DNAJC24: variants seen among roughly 807,000 people sequenced by gnomAD.
The protein encoded by DNAJC24 is DnaJ heat shock protein family (Hsp40) member C24.
Under a neutral mutation model 18.0 loss-of-function variants are expected in DNAJC24, and 17 were observed. The observed-to-expected ratio is 0.94, with a 90% confidence interval of 0.65 to 1.42. The LOEUF (loss-of-function observed/expected upper bound fraction) is 1.42. DNAJC24 is among the 40% of genes most tolerant of loss of function. DNAJC24 has a pLI of 0.00. For synonymous variants in DNAJC24, 55 were observed against 57.7 expected (o/e 0.95, Z 0.21); for missense variants, 158 against 175.6 (o/e 0.90, Z 0.57).
rs1343914025 is a variant in DNAJC24, at chr11:31,400,237, A to AT, written c.112-14573dup. On this transcript the variant is annotated intron_variant, in intron 2 of 4. Coordinates refer to ENST00000465995, the MANE Select transcript of DNAJC24 (RefSeq NM_181706.5). The stretch of plus-strand genomic sequence containing the variant: ...TAAACATATGTGTGCATGTGTCTTT[A>AT]TAGCAGAATGATTTATAATCCATTG... Among the ~76,000 whole-genome samples, 25 of 152,292 alleles carry AT rather than the reference A, an allele frequency of 1.6e-4. 1 individual carries two copies. The highest frequency in any genetic ancestry group is 5.5e-4 in the African/African-American group (23 of 41,550).
intron 2 of DNAJC24, among the ~76,000 whole-genome samples, chr11:31,410,277 A>G (rs542330078): frequency 4.0e-4 from 61 of 152,270 alleles, no homozygotes; most frequent in African/African-American, 1.5e-3. Flanking sequence ...TAAAAAGTTT[A>G]TTTCCTAATA....
At chr11:31,415,220 C>T in intron 3 of DNAJC24, 1 of 320,878 alleles carries the variant, frequency 3.1e-6, no homozygotes, top group Non-Finnish European at 5.7e-6. Flanking sequence ...TTACACATTA[C>T]TAACTAATAT....
intron 2 of DNAJC24, among the ~76,000 whole-genome samples, chr11:31,404,410 A>G (rs533069453): frequency 3.4e-4 from 52 of 152,218 alleles, no homozygotes; most frequent in African/African-American, 1.2e-3. Flanking sequence ...TGAGTTGCTC[A>G]TTTACTTCTC....
At chr11:31,382,995 A>G (rs549887146) in intron 2 of DNAJC24, among the ~76,000 whole-genome samples, 6 of 152,282 alleles carry the variant, frequency 3.9e-5, no homozygotes, top group African/African-American at 1.4e-4. Flanking sequence ...TTGTATTTAC[A>G]TACTCATTAC....
chr11:31,432,515 T>C lies in DNAJC24; in HGVS notation c.*2114T>C, dbSNP rs745850225. The C allele has an allele frequency of 6.2e-6, 10 of 1,611,834 alleles. No homozygotes were observed. Among genetic ancestry groups the C allele is most frequent in the African/African-American group, 4.0e-5 (3 of 74,866 alleles). ...TAAATGCTTACTAATCATCAGAAAATCTGTGGCCATTAGGGCTGGCACGTA... is the reference window on the plus strand; with the variant it reads ...TAAATGCTTACTAATCATCAGAAAACCTGTGGCCATTAGGGCTGGCACGTA... On this transcript the variant is annotated 3_prime_UTR_variant, in exon 5 of 5. Coordinates refer to ENST00000465995, the MANE Select transcript of DNAJC24 (RefSeq NM_181706.5).
intron 1 of DNAJC24, among the ~76,000 whole-genome samples, 178 bp from the exon 2 acceptor site, chr11:31,370,538 C>T (rs1040823049): frequency 6.6e-6 from 1 of 151,990 alleles, no homozygotes; most frequent in Admixed American, 6.6e-5. Flanking sequence ...CCATACTTGT[C>T]GGTACACTTA....
In DNAJC24 at chr11:31,382,925, G is replaced by A. The variant is rs148410783; in HGVS notation, c.111+12066G>A. Reference sequence around the variant, plus strand: ...ACTGGCTGTAAATCTGGGTTCCCATGTTTCCTTCTTTGTTCTCAATTGATT... The same window carrying A: ...ACTGGCTGTAAATCTGGGTTCCCATATTTCCTTCTTTGTTCTCAATTGATT... On this transcript the variant is annotated intron_variant, in intron 2 of 4. Coordinates refer to ENST00000465995, the MANE Select transcript of DNAJC24 (RefSeq NM_181706.5). Among the ~76,000 whole-genome samples, 342 of 152,312 alleles carry A rather than the reference G, an allele frequency of 2.2e-3. 4 individuals are homozygous for A. The highest frequency in any genetic ancestry group is 7.4e-3 in the African/African-American group (309 of 41,554).
At chr11:31,405,203 G>T (rs936337328) in intron 2 of DNAJC24, among the ~76,000 whole-genome samples, 5 of 151,098 alleles carry the variant, frequency 3.3e-5, no homozygotes, top group Admixed American at 6.6e-5. Context: ...CCGAGTAGCT[G>T]AGATTACAGG....
chr11:31,388,005 G>C (rs191075838), intron 2 of DNAJC24, among the ~76,000 whole-genome samples: 1 of 151,994 alleles, frequency 6.6e-6, no homozygotes, highest in African/African-American at 2.4e-5. Context: ...CAGCAGAATT[G>C]ATCAAGCAGA....
intron 4 of DNAJC24, chr11:31,426,898 C>G (rs2133507463): frequency 6.7e-6 from 1 of 149,736 alleles, no homozygotes. Context: ...AACATGAAGT[C>G]ATGTCTTTTT....
At chr11:31,396,148 A>G (rs1952541250) in intron 2 of DNAJC24, 2 of 331,532 alleles carry the variant, frequency 6.0e-6, no homozygotes, top group Admixed American at 3.7e-5. Flanking sequence ...TTTTTTGCCA[A>G]ATGTAGTGGA....
At chr11:31,394,721 T>TTTGATAAATACTTGA (rs1279788149) in intron 2 of DNAJC24, among the ~76,000 whole-genome samples, 1 of 151,834 alleles carries the variant, frequency 6.6e-6, no homozygotes, top group Non-Finnish European at 1.5e-5. Flanking sequence ...ATTTATAGTA[T>TTTGATAAATACTTGA]TAAATACTTA....
intron 2 of DNAJC24, among the ~76,000 whole-genome samples, chr11:31,381,138 A>T (rs551711542): frequency 1.5e-4 from 23 of 152,320 alleles, no homozygotes; most frequent in African/African-American, 5.5e-4. Context: ...TAAGGTATAC[A>T]TAAAATCATA....
chr11:31,414,786 CT>C (rs1471780260), intron 2 of DNAJC24, 24 bp from the exon 3 acceptor site: 3 of 1,609,326 alleles, frequency 1.9e-6, no homozygotes, highest in Non-Finnish European at 2.5e-6. Context: ...TACTCACCCC[CT>C]GCACCCTTCT....
At position 31,370,796 on chromosome 11, in the gene DNAJC24, G is replaced by A. The variant is rs781102404; in HGVS notation, c.48G>A (p.Leu16=). ...CAAAAAAGGATTGGTACAGCATCCT[G>A]GGAGCAGACCCATCTGCAAATATAT... The part of the protein sequence containing the change: ...QMPKKDWYSI[L]GADPSANISD... The change falls in exon 2 of 5, where the codon CTG becomes CTA. Residue 16 remains leucine (L), a synonymous_variant. Transcript: ENST00000465995. 1 of 1,613,176 alleles carries A rather than the reference G, an allele frequency of 6.2e-7. No homozygotes were observed. Among genetic ancestry groups the A allele is most frequent in the Non-Finnish European group, 8.5e-7 (1 of 1,179,712 alleles).
intron 4 of DNAJC24, chr11:31,426,950 C>A (rs1223073): frequency 0.39 from 58,381 of 151,560 alleles, 14,476 homozygotes; most frequent in African/African-American, 0.71. Context: ...AATTCAATGT[C>A]GTTTCCCTAT....
At position 31,377,254 on chromosome 11, in the gene DNAJC24, A is replaced by G. The variant is rs940901497; in HGVS notation, c.111+6395A>G. 4.6e-5 allele frequency among the ~76,000 whole-genome samples: 7 copies of G among 152,248 alleles called. No individual in the cohort carries two copies. The South Asian group carries it at 6.2e-4, about 14-fold the overall frequency. On this transcript the variant is annotated intron_variant, in intron 2 of 4. Transcript: ENST00000465995. The stretch of plus-strand genomic sequence containing the variant: ...TTGTAGGCTGCTGAGTTTACAATAC[A>G]TATTGATTTAGTAAATACTGTTTCC...
intron 2 of DNAJC24, among the ~76,000 whole-genome samples, chr11:31,413,307 A>T (rs17705366): frequency 0.25 from 37,504 of 150,838 alleles, 5,127 homozygotes; most frequent in Middle Eastern, 0.31. Context: ...TGTCAAAGTA[A>T]TTATTGGATA....
rs1952944406 is a variant in DNAJC24, at chr11:31,432,571, G to A, written c.*2170G>A. The A allele has an allele frequency of 6.2e-7, 1 of 1,606,604 alleles. No individual in the cohort carries two copies. The highest frequency in any genetic ancestry group is 1.7e-5 in the Admixed American group (1 of 59,962). On this transcript the variant is annotated 3_prime_UTR_variant, in exon 5 of 5. Transcript: ENST00000465995. ...CCAAAATCACTCAGAGGCCAAATCT[G>A]TAAAATCAAAATGAGGTTGAAGACA...
Sources: allele counts gnomAD v4.1 joint callset (sites outside exome capture counted in the v4.1 genomes callset), GRCh38; gene constraint gnomAD v4.1.1; transcripts MANE v1.5; gene names NCBI Gene and HGNC (gene_info 2026-07-23, HGNC 2026-07-21).